Variants in WWC2 observed in about 807,000 individuals in gnomAD.
WWC2 encodes the protein WW and C2 domain containing 2.
A neutral mutation model predicts 138.5 loss-of-function variants in WWC2; 101 were observed. That is an observed-to-expected ratio of 0.73 (90% CI 0.62 to 0.86). WWC2 has a LOEUF of 0.86. Ranked by LOEUF, WWC2 falls within the 40% of genes least tolerant of loss-of-function variation. The pLI is 0.00. For missense variants in WWC2, 1,420 were observed against 1,419.4 expected, an observed-to-expected ratio of 1.00 and a Z score of -0.01; for synonymous variants, 558 against 538.4, an observed-to-expected ratio of 1.04 and a Z score of -0.50.
chr4:183,204,089 A>G (rs948420104), intron 2 of WWC2, among the ~76,000 whole-genome samples: 5 of 152,300 alleles, frequency 3.3e-5, no homozygotes, highest in East Asian at 1.9e-4. Flanking sequence ...AAGTGGAGGG[A>G]AAAAAACAGC....
At chr4:183,268,277 G>A (rs760676678) in intron 14 of WWC2, among the ~76,000 whole-genome samples, 3 of 152,122 alleles carry the variant, frequency 2.0e-5, no homozygotes, top group East Asian at 1.9e-4. Context: ...TAAGAATTGT[G>A]GGTCCTCATA....
intron 4 of WWC2, among the ~76,000 whole-genome samples, chr4:183,221,248 G>T (rs1023420745): frequency 6.6e-6 from 1 of 152,148 alleles, no homozygotes; most frequent in Non-Finnish European, 1.5e-5. Flanking sequence ...AAGGACATAA[G>T]AATCTTAAAG....
chr4:183,239,777 TC>T (rs1411931211), intron 4 of WWC2, among the ~76,000 whole-genome samples: 4 of 152,144 alleles, frequency 2.6e-5, no homozygotes, highest in African/African-American at 9.7e-5. Context: ...GGGAGAGCTT[TC>T]CAGGCAGAAG....
chr4:183,284,580 C>T (rs894503559), intron 19 of WWC2, among the ~76,000 whole-genome samples, 190 bp downstream of exon 19: 5 of 152,190 alleles, frequency 3.3e-5, no homozygotes, highest in African/African-American at 1.2e-4. Flanking sequence ...GTTTTTCCAT[C>T]AAATTTAATG....
Position 183,190,396 on chromosome 4 carries a change from C to T in WWC2, c.132-3203C>T, listed in dbSNP as rs376492568. Among the ~76,000 whole-genome samples, 72 of 152,142 alleles carry T rather than the reference C, an allele frequency of 4.7e-4. 1 individual carries two copies. The East Asian group carries it at 0.01, about 21-fold the overall frequency. On this transcript the variant is annotated intron_variant, in intron 1 of 22. Transcript: ENST00000403733. ...TGTTAGTTCTTTTTGCTTTGTGTTA[C>T]CTCTTAGTACGTCATAGTAATATTT...
intron 1 of WWC2, among the ~76,000 whole-genome samples, chr4:183,183,542 G>A (rs1734704167): frequency 6.6e-6 from 1 of 152,170 alleles, no homozygotes; most frequent in African/African-American, 2.4e-5. Flanking sequence ...CACACTTTGG[G>A]AGGCCAGCGA....
chr4:183,303,303 T>C (rs76151329), intron 21 of WWC2, among the ~76,000 whole-genome samples: 3,345 of 152,280 alleles, frequency 0.022, 128 homozygotes, highest in African/African-American at 0.075. Flanking sequence ...AAAATTGTAT[T>C]GAGCACTTGA....
At chr4:183,146,330 A>AG (rs1332050356) in intron 1 of WWC2, among the ~76,000 whole-genome samples, 2 of 152,286 alleles carry the variant, frequency 1.3e-5, no homozygotes, top group Non-Finnish European at 1.5e-5. Flanking sequence ...ACTATTCCAG[A>AG]GAAAAAAAAG....
At chr4:183,152,238 G>A (rs1733654266) in intron 1 of WWC2, among the ~76,000 whole-genome samples, 2 of 152,130 alleles carry the variant, frequency 1.3e-5, no homozygotes, top group African/African-American at 4.8e-5. Flanking sequence ...GGTGGTTCAT[G>A]CCTGTAATCC....
intron 1 of WWC2, among the ~76,000 whole-genome samples, chr4:183,192,477 A>G (rs1735017574): frequency 6.6e-6 from 1 of 152,210 alleles, no homozygotes; most frequent in Admixed American, 6.5e-5. Context: ...GTTGAAAGAA[A>G]AGTAGACCCT....
At chr4:183,220,783 A>G (rs900015661) in intron 4 of WWC2, among the ~76,000 whole-genome samples, 30 of 151,956 alleles carry the variant, frequency 2.0e-4, no homozygotes, top group South Asian at 6.3e-4. Flanking sequence ...GCAGTGAGCC[A>G]ACATCGTGCC....
chr4:183,218,768 AGGTT>A (rs565857913), intron 4 of WWC2, among the ~76,000 whole-genome samples: 105 of 152,282 alleles, frequency 6.9e-4, no homozygotes, highest in African/African-American at 2.3e-3. Flanking sequence ...AATTCCTACT[AGGTT>A]AGAGAGGTCA....
chr4:183,265,782 G>C lies in WWC2; in HGVS notation c.2120+14G>C. On this transcript the variant is annotated intron_variant, in intron 13 of 22. Transcript: ENST00000403733. ...GATAGGACTCAGGTAAGGAATGTAC[G>C]TGGGAAAGGAGCAGTTCTGACATCT... 1 of 1,609,982 alleles carries C rather than the reference G, an allele frequency of 6.2e-7. No individual in the cohort carries two copies. The highest frequency in any genetic ancestry group is 8.5e-7 in the Non-Finnish European group (1 of 1,177,920).
rs1335240086 is a variant in WWC2, at chr4:183,320,126, T to A, written c.*4397T>A. The A allele has an allele frequency of 4.3e-6, 7 of 1,614,050 alleles. No individual in the cohort carries two copies. In the African/African-American group the frequency reaches 9.3e-5, roughly 22 times the overall value. ...AGTCCAGGTTGAGGTTCTTCCAGTG[T>A]GGCAGGTAGTTTGTAAGACAGGATA... is the stretch of plus-strand genomic sequence containing the variant. On this transcript the variant is annotated 3_prime_UTR_variant, in exon 23 of 23. Coordinates refer to ENST00000403733, the MANE Select transcript of WWC2 (RefSeq NM_024949.6).
At chr4:183,314,096 CCACGGACCGTGTGGCAGCAGCAGTGT>C (rs1158736608) in intron 22 of WWC2, among the ~76,000 whole-genome samples, 2 of 151,946 alleles carry the variant, frequency 1.3e-5, no homozygotes, top group East Asian at 3.9e-4. Context: ...GAGGGCAGGG[CCACGGACCGTGTGGCAGCAGCAGTGT>C]GCCTTAGTGG....
chr4:183,118,178 C>T (rs1732485924), intron 1 of WWC2, among the ~76,000 whole-genome samples: 2 of 152,128 alleles, frequency 1.3e-5, no homozygotes, highest in Non-Finnish European at 2.9e-5. Context: ...CAGTCGATTG[C>T]CACGTTATAG....
At chr4:183,189,270 A>G (rs922272002) in intron 1 of WWC2, among the ~76,000 whole-genome samples, 6 of 151,688 alleles carry the variant, frequency 4.0e-5, no homozygotes, top group Non-Finnish European at 7.4e-5. Context: ...CCCCGTCTCT[A>G]CTAAAAATAC....
rs564598166 is a variant in WWC2 at position 183,256,607 on chromosome 4, G to T, written c.1196+2608G>T. Reference sequence around the variant, plus strand: ...CAGTGTCAAAGCAGGGCTGGCTGGAGCTTCTTTTGGGAAGTAGGATTTGCT... The same window carrying T: ...CAGTGTCAAAGCAGGGCTGGCTGGATCTTCTTTTGGGAAGTAGGATTTGCT... On this transcript the variant is annotated intron_variant, in intron 9 of 22. Coordinates refer to ENST00000403733, the MANE Select transcript of WWC2 (RefSeq NM_024949.6). Among the ~76,000 whole-genome samples, 5 of 152,266 alleles carry T rather than the reference G, an allele frequency of 3.3e-5. No homozygotes were observed. In the South Asian group the frequency reaches 1.0e-3, roughly 32 times the overall value.
In WWC2 at chr4:183,237,822, C is replaced by T. The variant is rs1185420456; in HGVS notation, c.523-2361C>T. On this transcript the variant is annotated intron_variant, in intron 4 of 22. Coordinates refer to ENST00000403733, the MANE Select transcript of WWC2 (RefSeq NM_024949.6). ...TTTGTCACGTTGTTCCTCATAGTGC[C>T]TGGTCTCCCTCTTGACATTTTTCTC... 3.9e-5 allele frequency among the ~76,000 whole-genome samples: 6 copies of T among 152,138 alleles called. No individual in the cohort carries two copies. The East Asian group carries it at 9.6e-4, about 24-fold the overall frequency.
Sources: allele counts gnomAD v4.1 joint callset (sites outside exome capture counted in the v4.1 genomes callset), GRCh38; gene constraint gnomAD v4.1.1; transcripts MANE v1.5; gene names NCBI Gene and HGNC (gene_info 2026-07-23, HGNC 2026-07-21).